TRIM63: variants seen among roughly 807,000 people sequenced by gnomAD.
TRIM63 encodes the protein tripartite motif containing 63.
In TRIM63, 48 loss-of-function variants were observed where a neutral mutation model predicts 46.0. The observed-to-expected ratio is 1.04, with a 90% CI of 0.83 to 1.33. The LOEUF (loss-of-function observed/expected upper bound fraction) is 1.33. Ranked by LOEUF, TRIM63 falls within the 40% of genes most tolerant of loss-of-function variation. The pLI, the probability that TRIM63 is intolerant of heterozygous loss-of-function variation, is 0.00. For missense variants in TRIM63, 455 were observed against 441.2 expected (o/e 1.03, Z -0.28); for synonymous variants, 175 against 162.8 (o/e 1.08, Z -0.57).
intron 7 of TRIM63, among the ~76,000 whole-genome samples, chr1:26,055,467 T>C (rs984295682): frequency 3.3e-5 from 5 of 152,146 alleles, no homozygotes; most frequent in Non-Finnish European, 7.3e-5. Context: ...CTTCACAATG[T>C]TATGTTCACA....
intron 6 of TRIM63, 73 bp downstream of exon 6, chr1:26,057,555 G>A: frequency 3.9e-6 from 6 of 1,546,314 alleles, no homozygotes; most frequent in Non-Finnish European, 5.3e-6. Flanking sequence ...CTAATGCCCA[G>A]GATGAGGCTT....
chr1:26,053,175 C>G (rs1221438489), intron 8 of TRIM63, among the ~76,000 whole-genome samples: 1 of 152,100 alleles, frequency 6.6e-6, no homozygotes, highest in African/African-American at 2.4e-5. Context: ...AACTCCAGGT[C>G]TCAAGCAATC....
chr1:26,065,811 A>G (rs1187108374), intron 2 of TRIM63, among the ~76,000 whole-genome samples: 3 of 152,236 alleles, frequency 2.0e-5, no homozygotes, highest in Non-Finnish European at 4.4e-5. Context: ...AAATGAGGAT[A>G]ATAAAGTCAT....
At chr1:26,066,202 C>T (rs1359407665) in intron 2 of TRIM63, 66 bp downstream of exon 2, 80 of 1,556,696 alleles carry the variant, frequency 5.1e-5, no homozygotes, top group Non-Finnish European at 6.2e-5. Flanking sequence ...GGGGAAGGAG[C>T]GTGGGGGATC....
At position 26,067,330 on chromosome 1, in the gene TRIM63, A is replaced by C. The variant is rs1313499332; in HGVS notation, c.159+6T>G. On this transcript the variant is annotated splice_donor_region_variant and intron_variant, in intron 1 of 8. Transcript: ENST00000374272. ...GACCCCAAATGAAGCTGCACCCGGC[A>C]CTTACCTGGAAGATGTCATTGGCAC... The C allele has an allele frequency of 6.2e-7, 1 of 1,613,688 alleles. No homozygotes were observed.
intron 6 of TRIM63, 30 bp downstream of exon 6, chr1:26,057,598 T>C (rs2050584906): frequency 6.2e-7 from 1 of 1,606,540 alleles, no homozygotes; most frequent in Non-Finnish European, 8.5e-7. Context: ...AACTAGGTGC[T>C]TGGATCATAG....
intron 5 of TRIM63, 131 bp downstream of exon 5, chr1:26,058,259 G>A: frequency 1.4e-6 from 1 of 737,418 alleles, no homozygotes; most frequent in Non-Finnish European, 2.3e-6. Flanking sequence ...TGACAGATGA[G>A]GAAACTGAGG....
intron 2 of TRIM63, among the ~76,000 whole-genome samples, chr1:26,063,571 C>T (rs2050646942): frequency 6.6e-6 from 1 of 152,238 alleles, no homozygotes. Context: ...AGGCAAGAGC[C>T]TGAGGGTCTG....
intron 2 of TRIM63, among the ~76,000 whole-genome samples, chr1:26,064,668 A>G (rs939003097): frequency 6.6e-6 from 1 of 152,222 alleles, no homozygotes; most frequent in Non-Finnish European, 1.5e-5. Flanking sequence ...TGGTTGATAC[A>G]TTAACCATTT....
At chr1:26,055,200 A>G (rs2050560261) in intron 7 of TRIM63, among the ~76,000 whole-genome samples, 1 of 152,218 alleles carries the variant, frequency 6.6e-6, no homozygotes, top group South Asian at 2.1e-4. Context: ...CCCTCAGTAG[A>G]ATCTGCACAG....
In TRIM63 at chr1:26,067,352, G is replaced by A. The variant is rs140523053; in HGVS notation, c.143C>T (p.Ala48Val). The A allele has an allele frequency of 2.2e-3, 3,548 of 1,614,000 alleles. 8 individuals are homozygous for A. Among genetic ancestry groups the A allele is most frequent in the Non-Finnish European group, 2.8e-3 (3,259 of 1,180,016 alleles). The stretch of plus-strand genomic sequence containing the variant: ...GGCACTTACCTGGAAGATGTCATTG[G>A]CACACTTCCGGCACAGGTTGTGCTG... ...PCQHNLCRKC[A>V]NDIFQAANPY... Residue 48 changes from alanine to valine, a missense_variant, in exon 1 of 9, where the codon GCC (alanine) becomes GTC (valine). Ala to Val is a moderately conservative substitution (Grantham distance 64). Transcript: ENST00000374272.
At chr1:26,061,053 A>G in intron 3 of TRIM63, 113 bp downstream of exon 3, 1 of 1,209,018 alleles carries the variant, frequency 8.3e-7, no homozygotes, top group Non-Finnish European at 1.2e-6. Context: ...CTCCAGAGAG[A>G]CTATTCCTGA....
In TRIM63 at chr1:26,063,158, A is replaced by G. The variant is rs2050643192; in HGVS notation, c.333-1824T>C. ...ATTCACAGATACACTGCAGCCTCGA[A>G]CTCCTGGGCTGAGCAATCCTCCTAC... On this transcript the variant is annotated intron_variant, in intron 2 of 8. Transcript: ENST00000374272. Among the ~76,000 whole-genome samples, 7 of 151,924 alleles carry G rather than the reference A, an allele frequency of 4.6e-5. No homozygotes were observed. The South Asian group carries it at 1.5e-3, about 32-fold the overall frequency.
chr1:26,067,530 T>C lies in TRIM63; in HGVS notation c.-36A>G, dbSNP rs1479548554. The C allele has an allele frequency of 6.2e-7, 1 of 1,609,438 alleles. No homozygotes were observed. Among genetic ancestry groups the C allele is most frequent in the Non-Finnish European group, 8.5e-7 (1 of 1,178,658 alleles). On this transcript the variant is annotated 5_prime_UTR_variant, in exon 1 of 9. Transcript: ENST00000374272. Reference sequence around the variant, plus strand: ...GGAATGAGAGCCACGCCTAGCTGCCTCCTCTACTAACTTTGCTCTAAGTAG... The same window carrying C: ...GGAATGAGAGCCACGCCTAGCTGCCCCCTCTACTAACTTTGCTCTAAGTAG...
chr1:26,064,246 C>G (rs562645836), intron 2 of TRIM63, among the ~76,000 whole-genome samples: 3 of 152,260 alleles, frequency 2.0e-5, no homozygotes, highest in East Asian at 3.9e-4. Flanking sequence ...GCCTGGCCAA[C>G]ATGGTGAAAC....
chr1:26,053,605 A>C (rs891441371), intron 8 of TRIM63, among the ~76,000 whole-genome samples: 6 of 152,334 alleles, frequency 3.9e-5, no homozygotes, highest in Non-Finnish European at 5.9e-5. Context: ...GGCCCAGCCT[A>C]GCTCATGAGC....
At position 26,053,956 on chromosome 1, in the gene TRIM63, C is replaced by T. The variant is rs1426417166; in HGVS notation, c.988G>A (p.Glu330Lys). The T allele has an allele frequency of 6.3e-7, 1 of 1,584,682 alleles. No individual in the cohort carries two copies. Among genetic ancestry groups the T allele is most frequent in the East Asian group, 2.3e-5 (1 of 43,328 alleles). Reference sequence around the variant, plus strand: ...TCTTCTTCTTCAATGAATTCTTCCTCTTCCTCATCTGTGACAAAAAAACAT... The same window carrying T: ...TCTTCTTCTTCAATGAATTCTTCCTTTTCCTCATCTGTGACAAAAAAACAT... ...RAIDFGTDEE[E>K]EEFIEEEDQE... The change falls in exon 8 of 9, where the codon GAG becomes AAG. Residue 330 changes from glutamate (E) to lysine (K), a missense_variant. Transcript: ENST00000374272.
intron 7 of TRIM63, among the ~76,000 whole-genome samples, chr1:26,055,306 C>A (rs1244128265): frequency 2.6e-5 from 4 of 152,166 alleles, no homozygotes. Context: ...CAGAACCTAT[C>A]CCATGAAGTT....
chr1:26,053,853 A>G (rs1481082116), intron 8 of TRIM63, 40 bp downstream of exon 8: 1 of 1,466,378 alleles, frequency 6.8e-7, no homozygotes, highest in South Asian at 1.2e-5. Context: ...TTGTGGAATG[A>G]ATGAAGGAAC....
Sources: allele counts gnomAD v4.1 joint callset (sites outside exome capture counted in the v4.1 genomes callset), GRCh38; gene constraint gnomAD v4.1.1; transcripts MANE v1.5; gene names NCBI Gene and HGNC (gene_info 2026-07-23, HGNC 2026-07-21).